DLGAP1: variants seen among roughly 807,000 people sequenced by gnomAD.
The protein encoded by DLGAP1 is DLG associated protein 1.
DLGAP1 carries 11 observed loss-of-function variants against 90.8 expected under a neutral mutation model. That is an observed-to-expected ratio of 0.12 (90% CI 0.08 to 0.20). The LOEUF is 0.20. Ranked by LOEUF, DLGAP1 falls within the 10% of genes least tolerant of loss-of-function variation. DLGAP1 has a pLI of 1.00. For missense variants in DLGAP1, 1,050 were observed against 1,333.8 expected, an observed-to-expected ratio of 0.79 and a Z score of 3.31; for synonymous variants, 558 against 540.7, an observed-to-expected ratio of 1.03 and a Z score of -0.44.
chr18:4,006,246 C>A (rs1475093921), intron 2 of DLGAP1, among the ~76,000 whole-genome samples: 1 of 152,188 alleles, frequency 6.6e-6, no homozygotes, highest in Non-Finnish European at 1.5e-5. Flanking sequence ...AAAGCCCCTG[C>A]ATCCTGTTTG....
chr18:4,211,157 G>C (rs542032573), intron 1 of DLGAP1, among the ~76,000 whole-genome samples: 1 of 152,126 alleles, frequency 6.6e-6, no homozygotes, highest in Non-Finnish European at 1.5e-5. Flanking sequence ...CTGGTTTACC[G>C]CATTAAGATC....
At chr18:3,550,735 T>C (rs1035292622) in intron 9 of DLGAP1, among the ~76,000 whole-genome samples, 2,369 of 8,710 alleles carry the variant, frequency 0.27, 27 homozygotes, top group South Asian at 0.31. Flanking sequence ...AACCAGACCC[T>C]TTTTTTTTTT....
chr18:3,856,685 C>A (rs748755180), intron 4 of DLGAP1, among the ~76,000 whole-genome samples: 60 of 151,992 alleles, frequency 3.9e-4, no homozygotes, highest in Non-Finnish European at 8.2e-4. Flanking sequence ...CACAGTGAAA[C>A]CCCGTCTCTA....
At chr18:3,929,187 A>C (rs1396668893) in intron 3 of DLGAP1, among the ~76,000 whole-genome samples, 1 of 152,226 alleles carries the variant, frequency 6.6e-6, no homozygotes, top group East Asian at 1.9e-4. Flanking sequence ...AGACTAATAC[A>C]GTCACCTTTT....
intron 2 of DLGAP1, among the ~76,000 whole-genome samples, chr18:4,075,992 G>A (rs1404680226): frequency 6.6e-6 from 1 of 152,012 alleles, no homozygotes; most frequent in African/African-American, 2.4e-5. Context: ...TTAACTCTTG[G>A]TCGCTCTCCC....
chr18:4,412,818 G>A (rs921458341), intron 1 of DLGAP1, among the ~76,000 whole-genome samples: 2 of 152,192 alleles, frequency 1.3e-5, no homozygotes, highest in African/African-American at 4.8e-5. Flanking sequence ...ACAAAGGCCA[G>A]CAAACCCACC....
In DLGAP1 at chr18:3,586,321, G is replaced by A. The variant is rs1460349962; in HGVS notation, c.1592-4073C>T. 5.3e-5 allele frequency among the ~76,000 whole-genome samples: 8 copies of A among 152,136 alleles called. No homozygotes were observed. The South Asian group carries it at 1.7e-3, about 32-fold the overall frequency. On this transcript the variant is annotated intron_variant, in intron 7 of 12. Transcript: ENST00000315677. ...CTTAAGGAAAGGAACCATCTCCCAT[G>A]TTGTTATACGGAGGGGCATTACTCA...
chr18:3,568,902 G>A (rs1172912006), intron 8 of DLGAP1, among the ~76,000 whole-genome samples: 1 of 151,916 alleles, frequency 6.6e-6, no homozygotes, highest in African/African-American at 2.4e-5. Flanking sequence ...TAGCCAGGAT[G>A]GTCTCGATCT....
At chr18:3,895,361 T>A (rs2071595599) in intron 3 of DLGAP1, among the ~76,000 whole-genome samples, 1 of 151,132 alleles carries the variant, frequency 6.6e-6, no homozygotes, top group Admixed American at 6.6e-5. Flanking sequence ...ACCACTTTAA[T>A]CTCTCGTGGA....
At chr18:4,328,168 C>T (rs1375383931) in intron 1 of DLGAP1, among the ~76,000 whole-genome samples, 1 of 151,952 alleles carries the variant, frequency 6.6e-6, no homozygotes, top group Non-Finnish European at 1.5e-5. Context: ...AGTTACTCAT[C>T]ACTGAGAACT....
rs1217651526 is a variant in DLGAP1, at chr18:4,384,968, G to A, written c.-267+70038C>T. Among the ~76,000 whole-genome samples, 8 of 139,866 alleles carry A rather than the reference G, an allele frequency of 5.7e-5. No individual in the cohort carries two copies. The East Asian group carries it at 1.5e-3, about 27-fold the overall frequency. The allele number at this position is 139,866 out of a possible 152,430, so 91.8% of individuals were successfully genotyped here. A position where few individuals can be genotyped will look rare whatever the true frequency, so the allele number is the denominator to read the frequency against. The stretch of plus-strand genomic sequence containing the variant: ...TCTCTCCACTCCCTTTATCTTCTTT[G>A]CTGATTCCGAACTCCACTGTGGCTG... On this transcript the variant is annotated intron_variant, in intron 1 of 12. Coordinates refer to ENST00000315677, the MANE Select transcript of DLGAP1 (RefSeq NM_004746.4).
At chr18:4,432,119 T>TTAA (rs1381808554) in intron 1 of DLGAP1, among the ~76,000 whole-genome samples, 1 of 152,226 alleles carries the variant, frequency 6.6e-6, no homozygotes, top group East Asian at 1.9e-4. Flanking sequence ...ATCTCAAATT[T>TTAA]CTTTTAGAAA....
At chr18:4,154,894 A>G (rs1298638868) in intron 1 of DLGAP1, among the ~76,000 whole-genome samples, 1 of 152,226 alleles carries the variant, frequency 6.6e-6, no homozygotes, top group Non-Finnish European at 1.5e-5. Context: ...ATGAGAATAC[A>G]TTAGTGAACA....
At chr18:3,885,819 T>C (rs938345988) in intron 3 of DLGAP1, among the ~76,000 whole-genome samples, 1 of 152,234 alleles carries the variant, frequency 6.6e-6, no homozygotes, top group Non-Finnish European at 1.5e-5. Context: ...GAGTGTGAGA[T>C]GCACAGTTTT....
chr18:3,542,994 T>A (rs909679892), intron 9 of DLGAP1, among the ~76,000 whole-genome samples: 2 of 152,202 alleles, frequency 1.3e-5, no homozygotes, highest in African/African-American at 4.8e-5. Context: ...TATCTATATG[T>A]AACACAACCC....
intron 1 of DLGAP1, among the ~76,000 whole-genome samples, chr18:4,197,188 T>TAAAAAAAAAAAAAAAAAA (rs532844849): frequency 2.7e-4 from 20 of 73,652 alleles, no homozygotes; most frequent in African/African-American, 3.7e-4. Flanking sequence ...TAAAAAAAAG[T>TAAAAAAAAAAAAAAAAAA]AAAAAAAAAA....
intron 1 of DLGAP1, among the ~76,000 whole-genome samples, chr18:4,263,526 A>G (rs2079044530): frequency 6.6e-6 from 1 of 152,184 alleles, no homozygotes; most frequent in South Asian, 2.1e-4. Flanking sequence ...CTAAAATCTG[A>G]TCTACTACCA....
chr18:3,976,682 T>C (rs1291951206), intron 3 of DLGAP1, among the ~76,000 whole-genome samples: 4 of 152,226 alleles, frequency 2.6e-5, no homozygotes, highest in Non-Finnish European at 4.4e-5. Context: ...TTTGTATTTA[T>C]GACTTTTTAC....
intron 7 of DLGAP1, among the ~76,000 whole-genome samples, chr18:3,600,793 G>GATATATAGATATATATAGAT (rs1568278166): frequency 3.4e-5 from 1 of 29,194 alleles, no homozygotes; most frequent in Non-Finnish European, 6.6e-5. Flanking sequence ...GATATATATA[G>GATATATAGATATATATAGAT]ATATATAGAT....
Sources: allele counts gnomAD v4.1 joint callset (sites outside exome capture counted in the v4.1 genomes callset), GRCh38; gene constraint gnomAD v4.1.1; transcripts MANE v1.5; gene names NCBI Gene and HGNC (gene_info 2026-07-23, HGNC 2026-07-21).